PCDH15: variants seen among roughly 807,000 people sequenced by gnomAD.
PCDH15 encodes the protein protocadherin-15.
A neutral mutation model predicts 178.5 loss-of-function variants in PCDH15; 129 were observed. That is an observed-to-expected ratio of 0.72 (90% CI 0.63 to 0.84). The LOEUF is 0.84. Ranked by LOEUF, PCDH15 falls within the 40% of genes least tolerant of loss-of-function variation. The probability of loss-of-function intolerance (pLI) is 0.00; values close to 1 mark genes in which losing one functional copy is unlikely to be tolerated. For synonymous variants in PCDH15, 800 were observed against 732.0 expected, an observed-to-expected ratio of 1.09 and a Z score of -1.50; for missense variants, 2,230 against 2,099.9, an observed-to-expected ratio of 1.06 and a Z score of -1.21.
intron 1 of PCDH15, among the ~76,000 whole-genome samples, chr10:54,670,950 C>A (rs1295852605): frequency 6.6e-6 from 1 of 152,004 alleles, no homozygotes; most frequent in Admixed American, 6.6e-5. Flanking sequence ...GTTTTAATTG[C>A]CAATTTTTTT....
chr10:54,147,753 A>T (rs2044132913), intron 14 of PCDH15, among the ~76,000 whole-genome samples: 1 of 152,018 alleles, frequency 6.6e-6, no homozygotes, highest in Admixed American at 6.6e-5. Context: ...ACAAAAGGTG[A>T]CTTTGTTCTT....
Position 55,523,193 on chromosome 10 carries a change from T to G in PCDH15, c.-156+104432A>C, listed in dbSNP as rs186938302. Among the ~76,000 whole-genome samples, 24 of 151,644 alleles carry G rather than the reference T, an allele frequency of 1.6e-4. No homozygotes were observed. The East Asian group carries it at 4.3e-3, about 27-fold the overall frequency. On this transcript the variant is annotated intron_variant, in intron 2 of 5. Transcript: ENST00000613346. ...TTTGGAAATTTTTTTTAAATAAACT[T>G]TCTCCCACTTTTTCTCCCTCTCCTC...
chr10:54,353,581 G>GT (rs139146774), intron 5 of PCDH15, among the ~76,000 whole-genome samples: 5,426 of 152,106 alleles, frequency 0.036, 315 homozygotes, highest in African/African-American at 0.12. Context: ...AAATTGCTTA[G>GT]TTTTGCCTGT....
chr10:55,154,460 A>G (rs552599328), intron 2 of PCDH15, among the ~76,000 whole-genome samples: 3 of 152,286 alleles, frequency 2.0e-5, no homozygotes, highest in East Asian at 3.9e-4. Flanking sequence ...ATAGGCTCAC[A>G]CTACAAAAAT....
chr10:54,421,486 T>C (rs1955296786), intron 3 of PCDH15, among the ~76,000 whole-genome samples: 1 of 136,952 alleles, frequency 7.3e-6, no homozygotes, highest in Non-Finnish European at 1.6e-5. Context: ...GCATTTGATT[T>C]TTATTTATGT....
At chr10:55,613,010 T>A (rs1344932348) in intron 2 of PCDH15, among the ~76,000 whole-genome samples, 1 of 147,214 alleles carries the variant, frequency 6.8e-6, no homozygotes, top group African/African-American at 2.5e-5. Flanking sequence ...ACATATTTAC[T>A]AGCCAGATTT....
intron 14 of PCDH15, among the ~76,000 whole-genome samples, chr10:54,149,582 G>C (rs771218954): frequency 6.6e-6 from 1 of 152,138 alleles, no homozygotes; most frequent in Non-Finnish European, 1.5e-5. Context: ...ATAAACTGTT[G>C]ACATGAGGGA....
intron 2 of PCDH15, among the ~76,000 whole-genome samples, chr10:55,527,617 T>G (rs1010919295): frequency 6.6e-6 from 1 of 151,942 alleles, no homozygotes; most frequent in African/African-American, 2.4e-5. Flanking sequence ...TATGAAAGTA[T>G]GAATATACAT....
chr10:54,992,071 T>C (rs1839514604), intron 2 of PCDH15, among the ~76,000 whole-genome samples: 1 of 152,108 alleles, frequency 6.6e-6, no homozygotes, highest in South Asian at 2.1e-4. Flanking sequence ...GATGATAATA[T>C]TTAACTATAT....
At chr10:55,313,583 T>C (rs1043309947) in intron 1 of PCDH15, among the ~76,000 whole-genome samples, 5 of 152,202 alleles carry the variant, frequency 3.3e-5, no homozygotes, top group Admixed American at 3.3e-4. Context: ...AATTAATCTT[T>C]GAATTATTAG....
At chr10:55,096,477 C>T (rs1842452682) in intron 2 of PCDH15, among the ~76,000 whole-genome samples, 1 of 152,064 alleles carries the variant, frequency 6.6e-6, no homozygotes, top group Non-Finnish European at 1.5e-5. Context: ...ATATAGTTAG[C>T]TTTTGTGTGC....
intron 18 of PCDH15, among the ~76,000 whole-genome samples, chr10:54,048,141 G>T (rs2093693214): frequency 6.6e-6 from 1 of 152,022 alleles, no homozygotes; most frequent in African/African-American, 2.4e-5. Context: ...GTTTTGATAT[G>T]CATTTCTTGA....
chr10:54,611,703 G>A (rs957290580), intron 2 of PCDH15, among the ~76,000 whole-genome samples: 10 of 151,826 alleles, frequency 6.6e-5, no homozygotes, highest in Non-Finnish European at 1.2e-4. Flanking sequence ...TTTAATCAAG[G>A]CACCTTAGGG....
intron 13 of PCDH15, among the ~76,000 whole-genome samples, chr10:54,171,221 A>G (rs2133620710): frequency 6.6e-6 from 1 of 152,200 alleles, no homozygotes; most frequent in African/African-American, 2.4e-5. Flanking sequence ...ATATTCAGTG[A>G]AACCTTTATA....
At chr10:54,092,865 A>T (rs2094623691) in intron 15 of PCDH15, among the ~76,000 whole-genome samples, 1 of 152,046 alleles carries the variant, frequency 6.6e-6, no homozygotes, top group Non-Finnish European at 1.5e-5. Flanking sequence ...AGATATGATC[A>T]TGTTCTTTTG....
chr10:54,171,834 A>C (rs1469358108), intron 13 of PCDH15, among the ~76,000 whole-genome samples: 1 of 151,594 alleles, frequency 6.6e-6, no homozygotes, highest in African/African-American at 2.4e-5. Context: ...CTATATGACA[A>C]ATGTTTCTTC....
intron 18 of PCDH15, among the ~76,000 whole-genome samples, chr10:54,053,552 G>T (rs1277567700): frequency 3.9e-5 from 6 of 152,118 alleles, no homozygotes; most frequent in African/African-American, 1.4e-4. Context: ...GTTCACAAAA[G>T]ATTTTCTGGA....
At chr10:53,992,644 A>G (rs569795030) in intron 21 of PCDH15, among the ~76,000 whole-genome samples, 7 of 152,224 alleles carry the variant, frequency 4.6e-5, no homozygotes, top group Non-Finnish European at 1.0e-4. Flanking sequence ...CTATGCAAAT[A>G]AACATTACAC....
intron 2 of PCDH15, among the ~76,000 whole-genome samples, chr10:55,406,069 A>AG (rs932686873): frequency 2.8e-5 from 1 of 36,036 alleles, no homozygotes; most frequent in Non-Finnish European, 6.3e-5. Flanking sequence ...GTTCCCATCT[A>AG]AAAAAAAAAA....
Sources: allele counts gnomAD v4.1 joint callset (sites outside exome capture counted in the v4.1 genomes callset), GRCh38; gene constraint gnomAD v4.1.1; transcripts MANE v1.5; gene names NCBI Gene and HGNC (gene_info 2026-07-23, HGNC 2026-07-21).